Variants in DMD observed in about 807,000 individuals in gnomAD.
The protein encoded by DMD is dystrophin.
In DMD, 63 loss-of-function variants were observed where a neutral mutation model predicts 330.1. The observed-to-expected ratio is 0.19, with a 90% confidence interval of 0.16 to 0.24. The LOEUF (loss-of-function observed/expected upper bound fraction) is 0.24. DMD is among the 10% of genes least tolerant of loss of function. The pLI, the probability that DMD is intolerant of heterozygous loss-of-function variation, is 1.00. For missense variants in DMD, 3,344 were observed against 2,684.1 expected, an observed-to-expected ratio of 1.25 and a Z score of -5.43; for synonymous variants, 1,223 against 959.8, an observed-to-expected ratio of 1.27 and a Z score of -5.07.
chrX:32,507,515 G>A (rs1218480498), intron 18 of DMD, among the ~76,000 whole-genome samples: 1 of 111,221 alleles, frequency 9.0e-6, no homozygotes, highest in Non-Finnish European at 1.9e-5. Context: ...AATATCTCAG[G>A]AATCATATTT....
chrX:31,444,442 T>C lies in DMD; in HGVS notation c.9084+39A>G, dbSNP rs764735299. On this transcript the variant is annotated intron_variant, in intron 60 of 78. Transcript: ENST00000357033. ...TACAAATTTTATCTGTATATTATTT[T>C]ACTGTAACAAAGGACAACAATGTTT... The C allele has an allele frequency of 3.1e-5, 37 of 1,202,276 alleles. No individual in the cohort carries two copies. In the Middle Eastern group the frequency reaches 9.2e-4, roughly 30 times the overall value.
At chrX:32,534,474 G>T (rs1337232793) in intron 17 of DMD, among the ~76,000 whole-genome samples, 1 of 111,419 alleles carries the variant, frequency 9.0e-6, no homozygotes, top group Non-Finnish European at 1.9e-5. Flanking sequence ...TGATGTGACT[G>T]TTTCCCCTTT....
At chrX:32,458,361 C>T (rs1469170972) in intron 25 of DMD, among the ~76,000 whole-genome samples, 8 of 111,495 alleles carry the variant, frequency 7.2e-5, no homozygotes, top group African/African-American at 9.7e-5. Flanking sequence ...CATAATATTC[C>T]GTTATATGCA....
At chrX:32,563,091 A>T (rs756806324) in intron 16 of DMD, among the ~76,000 whole-genome samples, 19 of 110,915 alleles carry the variant, frequency 1.7e-4, no homozygotes, top group Non-Finnish European at 3.4e-4. Flanking sequence ...CTGTAATCTC[A>T]GCACTTTGGG....
At chrX:31,670,321 A>G (rs1472985343) in intron 53 of DMD, among the ~76,000 whole-genome samples, 1 of 112,025 alleles carries the variant, frequency 8.9e-6, no homozygotes, top group Non-Finnish European at 1.9e-5. Flanking sequence ...CTGAACTTCC[A>G]GTACAATACT....
At chrX:32,536,098 C>A (rs896196209) in intron 17 of DMD, among the ~76,000 whole-genome samples, 2 of 109,660 alleles carry the variant, frequency 1.8e-5, no homozygotes, top group Non-Finnish European at 3.8e-5. Flanking sequence ...AACCCCATCT[C>A]TACTAAAAAT....
chrX:32,663,283 G>A (rs962262367), intron 9 of DMD, among the ~76,000 whole-genome samples: 5 of 111,188 alleles, frequency 4.5e-5, no homozygotes, highest in African/African-American at 6.5e-5. Context: ...CCTTAATCAT[G>A]AAAATAATAA....
chrX:32,848,133 G>A (rs918955017), intron 3 of DMD, among the ~76,000 whole-genome samples: 8 of 111,946 alleles, frequency 7.1e-5, no homozygotes, highest in African/African-American at 1.9e-4. Flanking sequence ...AAGTGATCAC[G>A]CAGATACCTG....
At chrX:31,519,822 T>C (rs72625587) in intron 55 of DMD, among the ~76,000 whole-genome samples, 6 of 111,979 alleles carry the variant, frequency 5.4e-5, no homozygotes, top group African/African-American at 1.9e-4. Context: ...ACTAAAGTCC[T>C]GCTGATATAA....
chrX:32,437,005 A>G (rs1014480250), intron 29 of DMD, among the ~76,000 whole-genome samples: 1 of 111,427 alleles, frequency 9.0e-6, no homozygotes, highest in African/African-American at 3.3e-5. Context: ...TCAGTTTCAC[A>G]ATGACTTTTA....
chrX:31,694,948 T>C (rs1444717933), intron 52 of DMD, among the ~76,000 whole-genome samples: 1 of 110,234 alleles, frequency 9.1e-6, no homozygotes, highest in Non-Finnish European at 1.9e-5. Context: ...GGAGGGAGTG[T>C]ATTGAAGAGC....
chrX:32,707,557 G>A (rs1449803899), intron 7 of DMD, among the ~76,000 whole-genome samples: 1 of 111,819 alleles, frequency 8.9e-6, no homozygotes, highest in Non-Finnish European at 1.9e-5. Flanking sequence ...AATTTCTGCC[G>A]TGTGCCCTAA....
At chrX:32,400,647 G>C (rs1045889766) in intron 30 of DMD, among the ~76,000 whole-genome samples, 24 of 110,235 alleles carry the variant, frequency 2.2e-4, no homozygotes, top group African/African-American at 7.9e-4. Context: ...TCTCACACCA[G>C]TTAGAATGGC....
intron 62 of DMD, among the ~76,000 whole-genome samples, chrX:31,300,383 G>A (rs989738894): frequency 2.7e-5 from 3 of 112,070 alleles, no homozygotes; most frequent in African/African-American, 9.7e-5. Flanking sequence ...TGAAAGACTT[G>A]TATTCTGGGT....
chrX:32,880,103 C>A (rs2083770361), intron 2 of DMD, among the ~76,000 whole-genome samples: 1 of 111,345 alleles, frequency 9.0e-6, no homozygotes, highest in Admixed American at 9.5e-5. Context: ...CACATTGTAT[C>A]CCCAGTCCAC....
At chrX:32,755,077 C>T (rs1260798109) in intron 7 of DMD, 3 of 110,990 alleles carry the variant, frequency 2.7e-5, no homozygotes, top group Admixed American at 1.9e-4. Context: ...CTATTTCCCA[C>T]ATCATGTATG....
intron 1 of DMD, among the ~76,000 whole-genome samples, chrX:33,225,847 G>T (rs2052276774): frequency 9.1e-6 from 1 of 110,024 alleles, no homozygotes; most frequent in African/African-American, 3.3e-5. Flanking sequence ...ACTAAATGAA[G>T]AATTCATGTA....
At chrX:31,527,165 G>T (rs1390067593) in intron 55 of DMD, among the ~76,000 whole-genome samples, 1 of 111,680 alleles carries the variant, frequency 9.0e-6, no homozygotes, top group Non-Finnish European at 1.9e-5. Flanking sequence ...ATCACAGATT[G>T]ATAGGATTTC....
At chrX:32,525,468 C>A (rs889755646) in intron 17 of DMD, among the ~76,000 whole-genome samples, 1 of 111,579 alleles carries the variant, frequency 9.0e-6, no homozygotes, top group African/African-American at 3.3e-5. Context: ...CTACATCCAA[C>A]GCTTAGTTTT....
Sources: allele counts gnomAD v4.1 joint callset (sites outside exome capture counted in the v4.1 genomes callset), GRCh38; gene constraint gnomAD v4.1.1; transcripts MANE v1.5; gene names NCBI Gene and HGNC (gene_info 2026-07-23, HGNC 2026-07-21).